Variants in NELL2 observed in about 807,000 individuals in gnomAD.
NELL2 encodes neural EGFL like 2.
Under a neutral mutation model 109.6 loss-of-function variants are expected in NELL2, and 41 were observed. The ratio of observed to expected loss-of-function variants is 0.37; its 90% CI spans 0.29 to 0.49. The LOEUF is 0.49. NELL2 is among the 20% of genes least tolerant of loss of function. The probability of loss-of-function intolerance (pLI) is 0.98; values close to 1 mark genes in which losing one functional copy is unlikely to be tolerated. For missense variants in NELL2, 900 were observed against 1,008.3 expected, an observed-to-expected ratio of 0.89 and a Z score of 1.45; for synonymous variants, 355 against 344.7, an observed-to-expected ratio of 1.03 and a Z score of -0.33.
intron 13 of NELL2, among the ~76,000 whole-genome samples, chr12:44,614,338 A>C (rs1945740838): frequency 6.6e-6 from 1 of 152,054 alleles, no homozygotes; most frequent in African/African-American, 2.4e-5. Context: ...AAATATATCG[A>C]AGGAAGACAC....
At chr12:44,533,269 T>A (rs985791276) in intron 15 of NELL2, among the ~76,000 whole-genome samples, 1 of 152,198 alleles carries the variant, frequency 6.6e-6, no homozygotes. Context: ...GGGATGGACT[T>A]ATGGCATGAG....
intron 2 of NELL2, among the ~76,000 whole-genome samples, chr12:44,837,138 C>T (rs1944077173): frequency 6.6e-6 from 1 of 152,188 alleles, no homozygotes; most frequent in African/African-American, 2.4e-5. Context: ...TGACTGCTTA[C>T]TATGTGAGGC....
intron 1 of NELL2, among the ~76,000 whole-genome samples, chr12:44,907,518 C>A (rs938444154): frequency 5.3e-5 from 8 of 152,056 alleles, no homozygotes; most frequent in Middle Eastern, 3.4e-3. Flanking sequence ...TTACCTTGGC[C>A]AGAAATATTT....
intron 3 of NELL2, among the ~76,000 whole-genome samples, chr12:44,809,373 T>C (rs1037477269): frequency 6.6e-5 from 10 of 152,094 alleles, no homozygotes; most frequent in Non-Finnish European, 1.0e-4. Flanking sequence ...CTCTATTCTC[T>C]ATTTACCTTT....
chr12:44,912,715 T>C (rs1419503852), intron 1 of NELL2, among the ~76,000 whole-genome samples: 1 of 152,162 alleles, frequency 6.6e-6, no homozygotes, highest in Non-Finnish European at 1.5e-5. Context: ...ACGAGCCTTA[T>C]AAATTCGAAT....
intron 15 of NELL2, among the ~76,000 whole-genome samples, chr12:44,596,583 GT>G (rs759914123): frequency 6.6e-6 from 1 of 151,378 alleles, no homozygotes; most frequent in Non-Finnish European, 1.5e-5. Flanking sequence ...CATGAAACAG[GT>G]TTTTTTTTCT....
At chr12:44,853,902 G>A (rs1430641802) in intron 2 of NELL2, among the ~76,000 whole-genome samples, 1 of 152,118 alleles carries the variant, frequency 6.6e-6, no homozygotes, top group Non-Finnish European at 1.5e-5. Flanking sequence ...CAGGTTCAAC[G>A]TTCAGTTACT....
intron 9 of NELL2, among the ~76,000 whole-genome samples, chr12:44,770,959 G>T (rs188683458): frequency 6.6e-6 from 1 of 152,178 alleles, no homozygotes; most frequent in African/African-American, 2.4e-5. Context: ...CCTAAATTCA[G>T]TGACTTTCAG....
intron 7 of NELL2, among the ~76,000 whole-genome samples, chr12:44,776,714 T>C (rs1240221142): frequency 6.6e-6 from 1 of 152,158 alleles, no homozygotes; most frequent in East Asian, 1.9e-4. Context: ...GTCTATATTC[T>C]TTACACTGTC....
At chr12:44,825,647 C>G (rs191407299) in intron 2 of NELL2, among the ~76,000 whole-genome samples, 2 of 150,496 alleles carry the variant, frequency 1.3e-5, no homozygotes, top group African/African-American at 2.4e-5. Flanking sequence ...CCGACTGCCT[C>G]GGCCTCCCAA....
intron 9 of NELL2, among the ~76,000 whole-genome samples, chr12:44,732,628 A>C (rs971056373): frequency 6.6e-6 from 1 of 152,044 alleles, no homozygotes; most frequent in Non-Finnish European, 1.5e-5. Flanking sequence ...AAAAAATTTC[A>C]TAATATTGGT....
chr12:44,535,584 C>T (rs1203046443), intron 15 of NELL2, among the ~76,000 whole-genome samples: 1 of 151,668 alleles, frequency 6.6e-6, no homozygotes, highest in East Asian at 1.9e-4. Context: ...ACAGTATTTC[C>T]AAACATGCAA....
intron 15 of NELL2, among the ~76,000 whole-genome samples, chr12:44,575,925 G>C (rs1335544186): frequency 6.6e-6 from 1 of 152,132 alleles, no homozygotes; most frequent in Non-Finnish European, 1.5e-5. Flanking sequence ...AGACCAAAAT[G>C]TTAATGACCT....
intron 15 of NELL2, among the ~76,000 whole-genome samples, chr12:44,585,378 G>A (rs1284147879): frequency 6.6e-6 from 1 of 152,098 alleles, no homozygotes; most frequent in African/African-American, 2.4e-5. Context: ...GAGGGAGGCG[G>A]ATCATCTGAG....
At chr12:44,628,033 G>A (rs956044688) in intron 13 of NELL2, among the ~76,000 whole-genome samples, 1 of 152,126 alleles carries the variant, frequency 6.6e-6, no homozygotes, top group African/African-American at 2.4e-5. Context: ...ATGAATAAAT[G>A]GGTGAAGAGT....
intron 9 of NELL2, among the ~76,000 whole-genome samples, chr12:44,720,536 G>T (rs1206589562): frequency 6.6e-6 from 1 of 152,076 alleles, no homozygotes; most frequent in African/African-American, 2.4e-5. Flanking sequence ...AAAGTAGCTG[G>T]TTACTCTCAT....
rs1945304582 is a variant in NELL2, at chr12:44,875,860, G to A, written c.10C>T (p.Arg4Trp). 1 of 1,613,846 alleles carries A rather than the reference G, an allele frequency of 6.2e-7. No individual in the cohort carries two copies. The highest frequency in any genetic ancestry group is 8.5e-7 in the Non-Finnish European group (1 of 1,180,034). MES[R>W]VLLRTFCLIF... is the part of the protein sequence containing the mutation. The stretch of plus-strand genomic sequence containing the variant: ...AAACAGAATGTTCTCAGTAAGACCC[G>A]AGACTCCATGGTGCGGATCAGCTCA... Residue 4 changes from arginine to tryptophan, a missense_variant, in exon 1 of 20, where the codon CGG (arginine) becomes TGG (tryptophan). This residue lies in a region of NELL2 where 200 missense variants were observed against 191.8 expected (regional missense o/e 1.04). Coordinates refer to ENST00000429094, the MANE Select transcript of NELL2 (RefSeq NM_001145108.2).
intron 15 of NELL2, among the ~76,000 whole-genome samples, chr12:44,569,039 C>A (rs1238869825): frequency 6.6e-6 from 1 of 152,126 alleles, no homozygotes; most frequent in African/African-American, 2.4e-5. Context: ...CTCCCACCTT[C>A]CACCTTCCAA....
intron 13 of NELL2, among the ~76,000 whole-genome samples, chr12:44,616,968 A>G (rs1945844911): frequency 6.6e-6 from 1 of 152,192 alleles, no homozygotes; most frequent in Admixed American, 6.5e-5. Flanking sequence ...TATAATTATT[A>G]TACTGCAGAT....
Sources: gnomAD v4.1 joint callset for allele counts (sites outside exome capture counted in the v4.1 genomes callset) on GRCh38, gnomAD v4.1.1 for gene constraint, gnomAD v4.1.1 regional missense constraint, MANE v1.5 for transcripts, NCBI Gene and HGNC (gene_info 2026-07-23, HGNC 2026-07-21) for gene names.